Variants in MSTO1 observed in about 807,000 individuals in gnomAD.
MSTO1 encodes protein misato homolog 1.
In MSTO1, 24 loss-of-function variants were observed where a neutral mutation model predicts 55.7. That is an observed-to-expected ratio of 0.43 (90% CI 0.31 to 0.61). The LOEUF (loss-of-function observed/expected upper bound fraction) is 0.61. Among genes scored for constraint, MSTO1 ranks in the 20% least tolerant of loss-of-function variants. MSTO1 has a pLI of 0.09. For synonymous variants in MSTO1, 162 were observed against 252.8 expected, an observed-to-expected ratio of 0.64 and a Z score of 3.41; for missense variants, 363 against 625.7, an observed-to-expected ratio of 0.58 and a Z score of 4.48.
At chr1:155,609,688 C>A (rs562724204), upstream of MSTO1, 1 of 154,464 alleles carries the variant, frequency 6.5e-6, no homozygotes, top group South Asian at 2.0e-4. Context: ...GATACATACT[C>A]TCTTTACATA....
chr1:155,569,586 C>T, the MSTO1 span, among the ~76,000 whole-genome samples: 235 of 151,818 alleles, frequency 1.5e-3, 2 homozygotes, highest in Non-Finnish European at 7.9e-4. Context: ...TACAGGTGCC[C>T]GCCACCACGC....
upstream of MSTO1, among the ~76,000 whole-genome samples, chr1:155,609,239 ATATAT>A (rs1398667721): frequency 8.8e-4 from 24 of 27,252 alleles, no homozygotes; most frequent in South Asian, 7.8e-3. Context: ...ATATATATAT[ATATAT>A]TTTTTTTTTT....
the MSTO1 span, among the ~76,000 whole-genome samples, chr1:155,586,873 A>G: frequency 2.3e-3 from 346 of 152,210 alleles, 2 homozygotes; most frequent in African/African-American, 8.1e-3. Flanking sequence ...TCAGCCTCCC[A>G]AGTAGCTGGG....
the MSTO1 span, among the ~76,000 whole-genome samples, chr1:155,566,773 G>A: frequency 1.3e-5 from 2 of 151,872 alleles, no homozygotes; most frequent in African/African-American, 4.8e-5. Context: ...GTGCCACCAC[G>A]CCTGGCTAAT....
At chr1:155,584,803 C>T in the MSTO1 span, among the ~76,000 whole-genome samples, 1 of 151,056 alleles carries the variant, frequency 6.6e-6, no homozygotes, top group Non-Finnish European at 1.5e-5. Context: ...TGCAGTGGTG[C>T]GATCATAGCT....
chr1:155,602,161 G>A, the MSTO1 span: 22 of 710,160 alleles, frequency 3.1e-5, no homozygotes, highest in East Asian at 5.7e-4. Context: ...TTTCAACCTA[G>A]CTGAAGAATT....
chr1:155,612,755 C>T (rs1408128158), intron 9 of MSTO1, 89 bp from the exon 10 acceptor site: 2 of 1,540,214 alleles, frequency 1.3e-6, no homozygotes, highest in East Asian at 2.3e-5. Context: ...CCTGATTCGT[C>T]CCCTGGGTCT....
chr1:155,599,001 G>A, the MSTO1 span: 1 of 737,490 alleles, frequency 1.4e-6, no homozygotes, highest in South Asian at 1.7e-5. Flanking sequence ...TTTCTAACGG[G>A]GATCTGATAG....
chr1:155,602,936 C>A, the MSTO1 span, among the ~76,000 whole-genome samples: 14 of 152,084 alleles, frequency 9.2e-5, no homozygotes, highest in Non-Finnish European at 1.5e-4. Context: ...AGACCAGGGG[C>A]CTTCAACTCT....
chr1:155,590,060 T>C, the MSTO1 span, among the ~76,000 whole-genome samples: 1 of 147,754 alleles, frequency 6.8e-6, no homozygotes, highest in Non-Finnish European at 1.5e-5. Flanking sequence ...GGGGCGGGGG[T>C]CTACATAGCT....
the MSTO1 span, chr1:155,591,002 G>A: frequency 1.2e-6 from 2 of 1,613,960 alleles, no homozygotes; most frequent in South Asian, 1.1e-5. Context: ...GCCACAAGGA[G>A]GGTGATGACA....
At chr1:155,599,754 G>A in the MSTO1 span, among the ~76,000 whole-genome samples, 4 of 152,286 alleles carry the variant, frequency 2.6e-5, 1 homozygote, top group Middle Eastern at 0.014. Flanking sequence ...ATGTGTCAGG[G>A]TCACAAGACA....
the MSTO1 span, among the ~76,000 whole-genome samples, chr1:155,593,663 G>A: frequency 0.02 from 3,106 of 152,268 alleles, 103 homozygotes; most frequent in African/African-American, 0.071. Context: ...ACAACACAAG[G>A]CAGTGTAATA....
chr1:155,567,841 C>G, the MSTO1 span, among the ~76,000 whole-genome samples: 188 of 151,340 alleles, frequency 1.2e-3, 1 homozygote, highest in African/African-American at 4.4e-3. Context: ...TCGAGACCAG[C>G]CTGGCCAACA....
chr1:155,581,833 A>G, the MSTO1 span, among the ~76,000 whole-genome samples: 2 of 147,344 alleles, frequency 1.4e-5, no homozygotes, highest in African/African-American at 2.5e-5. Context: ...TTGCTCTGTC[A>G]CCCAGGCTGG....
intron 2 of MSTO1, 165 bp downstream of exon 2, chr1:155,610,725 C>T: frequency 1.7e-6 from 1 of 586,300 alleles, no homozygotes; most frequent in South Asian, 2.0e-5. Context: ...GACAGTTGCT[C>T]AAGAGCCATT....
the MSTO1 span, among the ~76,000 whole-genome samples, chr1:155,572,282 T>C: frequency 6.6e-6 from 1 of 152,104 alleles, no homozygotes; most frequent in Non-Finnish European, 1.5e-5. Context: ...CAAACATTCA[T>C]TGTCAAATGT....
chr1:155,580,228 G>GA, the MSTO1 span, among the ~76,000 whole-genome samples: 257 of 123,308 alleles, frequency 2.1e-3, no homozygotes, highest in Middle Eastern at 4.2e-3. Flanking sequence ...CTGACTCTAA[G>GA]AAAAAAAAAA....
At chr1:155,609,243 A>ATATATATATATT (rs59756178), upstream of MSTO1, among the ~76,000 whole-genome samples, 15 of 54,576 alleles carry the variant, frequency 2.7e-4, no homozygotes, top group Admixed American at 3.9e-4. Flanking sequence ...ATATATATAT[A>ATATATATATATT]TTTTTTTTTT....
Sources: allele counts gnomAD v4.1 joint callset (sites outside exome capture counted in the v4.1 genomes callset), GRCh38; gene constraint gnomAD v4.1.1; transcripts MANE v1.5; gene names NCBI Gene and HGNC (gene_info 2026-07-23, HGNC 2026-07-21).